Variants in ARSG observed in about 807,000 individuals in gnomAD.
ARSG encodes the protein arylsulfatase G, also known as ASG.
A neutral mutation model predicts 50.5 loss-of-function variants in ARSG; 37 were observed. The ratio of observed to expected loss-of-function variants is 0.73; its 90% CI spans 0.56 to 0.96. The LOEUF is 0.96. ARSG is among the 50% of genes least tolerant of loss of function. ARSG has a pLI of 0.00. For synonymous variants in ARSG, 225 were observed against 254.6 expected (o/e 0.88, Z 1.11); for missense variants, 629 against 675.3 (o/e 0.93, Z 0.76).
chr17:68,365,495 C>T (rs1200473526), intron 6 of ARSG, among the ~76,000 whole-genome samples: 1 of 152,154 alleles, frequency 6.6e-6, no homozygotes, highest in Non-Finnish European at 1.5e-5. Context: ...GATTCTCAAG[C>T]CTGTGCTCTT....
rs781999054 is a variant in ARSG, at chr17:68,319,152, C to T, written c.218+11441C>T. 2.9e-4 allele frequency among the ~76,000 whole-genome samples: 44 copies of T among 152,166 alleles called. 1 individual carries two copies. The highest frequency in any genetic ancestry group is 5.3e-4 in the Non-Finnish European group (36 of 68,010). On this transcript the variant is annotated intron_variant, in intron 2 of 11. Transcript: ENST00000621439. Reference sequence around the variant, plus strand: ...AAGACCAATATTAGGGAGAGCAGGCCGCTTCCTCTTTCATGTAATTCCTTT... The same window carrying T: ...AAGACCAATATTAGGGAGAGCAGGCTGCTTCCTCTTTCATGTAATTCCTTT...
intron 1 of ARSG, among the ~76,000 whole-genome samples, chr17:68,260,561 C>T (rs1351491498): frequency 6.6e-6 from 1 of 152,216 alleles, no homozygotes; most frequent in African/African-American, 2.4e-5. Context: ...GATCACGGCT[C>T]ACTGGAGCCT....
intron 1 of ARSG, among the ~76,000 whole-genome samples, chr17:68,294,895 G>C (rs568019683): frequency 3.4e-4 from 52 of 152,228 alleles, no homozygotes; most frequent in African/African-American, 1.2e-3. Flanking sequence ...CCTTCAAACT[G>C]GGAAACACAC....
Position 68,381,795 on chromosome 17 carries a change from C to T in ARSG, c.983-3269C>T, listed in dbSNP as rs117461471. 3.3e-5 allele frequency among the ~76,000 whole-genome samples: 5 copies of T among 152,254 alleles called. No homozygotes were observed. The East Asian group carries it at 5.8e-4, about 18-fold the overall frequency. ...GAGCTTCACTGCAGGTCGATTAAAT[C>T]ACAGTCTCTGGGAAAGAGACTTTGG... On this transcript the variant is annotated intron_variant, in intron 8 of 11. Coordinates refer to ENST00000621439, the MANE Select transcript of ARSG (RefSeq NM_001267727.2). This position sits in a 1 kb window ranked among gnomAD's most constrained non-coding sequence, Gnocchi z 4.1.
At chr17:68,348,820 C>T (rs989200616) in intron 4 of ARSG, among the ~76,000 whole-genome samples, 13 of 152,204 alleles carry the variant, frequency 8.5e-5, no homozygotes, top group African/African-American at 2.9e-4. Context: ...AGCACACTTA[C>T]ACATTCCTTC....
intron 5 of ARSG, among the ~76,000 whole-genome samples, chr17:68,352,422 A>G (rs1245263676): frequency 3.3e-5 from 5 of 151,166 alleles, no homozygotes; most frequent in Non-Finnish European, 5.9e-5. Context: ...TTGTAGTCCT[A>G]TCAACGGAGA....
intron 1 of ARSG, chr17:68,270,786 A>C (rs2075314408): frequency 6.9e-7 from 1 of 1,456,440 alleles, no homozygotes; most frequent in East Asian, 2.3e-5. Context: ...GGAAGCTAGC[A>C]CAATTCACAA....
chr17:68,406,380 C>T (rs1364119738), intron 11 of ARSG, among the ~76,000 whole-genome samples: 1 of 152,116 alleles, frequency 6.6e-6, no homozygotes, highest in Non-Finnish European at 1.5e-5. Context: ...CGTACAATGA[C>T]TTCTTGTCCT....
chr17:68,390,687 G>A (rs2080949689), intron 9 of ARSG, among the ~76,000 whole-genome samples: 1 of 152,004 alleles, frequency 6.6e-6, no homozygotes, highest in African/African-American at 2.4e-5. Context: ...GCAATGGCAC[G>A]ATCTCAGATC....
At chr17:68,302,851 T>C (rs782707036) in intron 1 of ARSG, among the ~76,000 whole-genome samples, 4 of 152,120 alleles carry the variant, frequency 2.6e-5, no homozygotes, top group Non-Finnish European at 5.9e-5. Flanking sequence ...CAGATGGGCC[T>C]TCGTTGTGGG....
At chr17:68,364,995 C>T (rs2079475952) in intron 6 of ARSG, among the ~76,000 whole-genome samples, 1 of 152,126 alleles carries the variant, frequency 6.6e-6, no homozygotes, top group Non-Finnish European at 1.5e-5. Flanking sequence ...CTTACTACTG[C>T]TGGCATGTAT....
At chr17:68,342,781 CAA>C (rs2078328149) in intron 2 of ARSG, among the ~76,000 whole-genome samples, 1 of 152,236 alleles carries the variant, frequency 6.6e-6, no homozygotes, top group African/African-American at 2.4e-5. Context: ...ACACAAAACA[CAA>C]AAATGCAAAA....
rs374399675 is a variant in ARSG, at chr17:68,274,942, G to A, written c.-552+15516G>A. Among the ~76,000 whole-genome samples the A allele has an allele frequency of 1.3e-4, 20 of 152,186 alleles. No individual in the cohort carries two copies. In the South Asian group the frequency reaches 3.5e-3, roughly 27 times the overall value. On this transcript the variant is annotated intron_variant, in intron 1 of 11. Transcript: ENST00000448504. ...ATTACAGGCATGTGCCACCATGCCCGGCTGATTGTGTATTTTTAGTAGAGA... is the reference window on the plus strand; with the variant it reads ...ATTACAGGCATGTGCCACCATGCCCAGCTGATTGTGTATTTTTAGTAGAGA...
chr17:68,289,226 A>G (rs548941187), upstream of ARSG, among the ~76,000 whole-genome samples: 3 of 152,222 alleles, frequency 2.0e-5, no homozygotes, highest in South Asian at 6.2e-4. Flanking sequence ...TGAGCCCGGG[A>G]GGTCGAGGCT....
At position 68,401,055 on chromosome 17, in the gene ARSG, G is replaced by C. The variant is rs947146787; in HGVS notation, c.1213-305G>C. ...TTTTGCTGTTTCGAGACAGGATCTTGCTCTATCACCCAGGCTGGAGTGCAG... is the reference window on the plus strand; with the variant it reads ...TTTTGCTGTTTCGAGACAGGATCTTCCTCTATCACCCAGGCTGGAGTGCAG... On this transcript the variant is annotated intron_variant, in intron 10 of 11. Coordinates refer to ENST00000621439, the MANE Select transcript of ARSG (RefSeq NM_001267727.2). 3 of 277,848 alleles carry C rather than the reference G, an allele frequency of 1.1e-5. No homozygotes were observed. In the Admixed American group the frequency reaches 1.5e-4, roughly 14 times the overall value. 17.2% of individuals were successfully genotyped at this position (277,848 alleles called of 1,614,324 possible).
chr17:68,365,432 A>G (rs2079501049), intron 6 of ARSG, among the ~76,000 whole-genome samples: 1 of 152,198 alleles, frequency 6.6e-6, no homozygotes. Flanking sequence ...GGTTAAGTTA[A>G]TTGTCCAGGG....
At chr17:68,438,741 C>T in the ARSG span, among the ~76,000 whole-genome samples, 1 of 152,206 alleles carries the variant, frequency 6.6e-6, no homozygotes, top group Admixed American at 6.5e-5. Flanking sequence ...GCTGGGATTA[C>T]AGGCGTGTGC....
chr17:68,308,471 C>T (rs1213703402), intron 2 of ARSG, among the ~76,000 whole-genome samples: 5 of 152,002 alleles, frequency 3.3e-5, no homozygotes, highest in East Asian at 1.9e-4. Flanking sequence ...CCGGTGGGCT[C>T]GTGGTCTCGC....
At chr17:68,422,023 T>C, downstream of ARSG, 1 of 605,786 alleles carries the variant, frequency 1.7e-6, no homozygotes. Context: ...TTCTAGAAAA[T>C]ACTGACTATA....
Sources: allele counts gnomAD v4.1 joint callset (sites outside exome capture counted in the v4.1 genomes callset), GRCh38; gene constraint gnomAD v4.1.1; non-coding constraint Gnocchi (gnomAD v3.1); transcripts MANE v1.5; gene names NCBI Gene and HGNC (gene_info 2026-07-23, HGNC 2026-07-21).